ONECUT3: variants seen among roughly 807,000 people sequenced by gnomAD.
The protein encoded by ONECUT3 is one cut domain family member 3.
A neutral mutation model predicts 16.8 loss-of-function variants in ONECUT3; 11 were observed. That is an observed-to-expected ratio of 0.66 (90% CI 0.41 to 1.09). The LOEUF (loss-of-function observed/expected upper bound fraction) is 1.09, where lower values mean the gene tolerates loss of function less well. Among genes scored for constraint, ONECUT3 ranks in the 50% least tolerant of loss-of-function variants. The pLI is 0.00. For synonymous variants in ONECUT3, 344 were observed against 310.7 expected (o/e 1.11, Z -1.13); for missense variants, 637 against 629.9 (o/e 1.01, Z -0.12).
At chr19:1,770,123 T>G (rs1360751662) in intron 1 of ONECUT3, among the ~76,000 whole-genome samples, 1 of 152,168 alleles carries the variant, frequency 6.6e-6, no homozygotes, top group African/African-American at 2.4e-5. Flanking sequence ...CTGGGTACTG[T>G]GATTCATGCC....
Position 1,775,857 on chromosome 19 carries a change from A to C in ONECUT3, c.*412A>C. The stretch of plus-strand genomic sequence containing the variant: ...TTTAAAAATGGAATTTTAAAGAATA[A>C]CCCCTCCTCCGTCAGATCCCCTGCC... On this transcript the variant is annotated 3_prime_UTR_variant, in exon 2 of 2. Coordinates refer to ENST00000382349, the MANE Select transcript of ONECUT3 (RefSeq NM_001080488.2). The C allele has an allele frequency of 6.6e-6, 1 of 152,288 alleles. No homozygotes were observed. Among genetic ancestry groups the C allele is most frequent in the Non-Finnish European group, 1.5e-5 (1 of 68,690 alleles). The allele number at this position is 152,288 out of a possible 1,614,324, so 9.4% of individuals were successfully genotyped here. A position where few individuals can be genotyped will look rare whatever the true frequency, so the allele number is the denominator to read the frequency against.
chr19:1,756,432 C>G (rs538722545), intron 1 of ONECUT3, among the ~76,000 whole-genome samples: 1 of 152,236 alleles, frequency 6.6e-6, no homozygotes, highest in Non-Finnish European at 1.5e-5. Flanking sequence ...TACAGCGGCA[C>G]TCGTGCGCTC....
chr19:1,754,307 GCCCCCGCCGCCGCCACCA>G lies in ONECUT3; in HGVS notation c.656_673del (p.Pro219_Pro224del). The G allele has an allele frequency of 9.5e-7, 1 of 1,053,796 alleles. No individual in the cohort carries two copies. Among genetic ancestry groups the G allele is most frequent in the Non-Finnish European group, 1.1e-6 (1 of 879,634 alleles). 65.3% of individuals were successfully genotyped at this position (1,053,796 alleles called of 1,614,324 possible). A position where few individuals can be genotyped will look rare whatever the true frequency, so the allele number is the denominator to read the frequency against. On this transcript the variant is annotated inframe_deletion, in exon 1 of 2. Transcript: ENST00000382349. The surrounding 1 kb of genome is among the most constrained non-coding windows in gnomAD (Gnocchi z 7.4). Reference sequence around the variant, plus strand: ...CGCCCGCGCTGCACGGCGCCCCGCAGCCCCCGCCGCCGCCACCACCCCCGCCGCTGGCCGCCTACGGCC... The same window carrying G: ...CGCCCGCGCTGCACGGCGCCCCGCAGCCCCCGCCGCTGGCCGCCTACGGCC...
rs1331199840 is a variant in ONECUT3, at chr19:1,758,313, A to AGAG, written c.1192+3459_1192+3460insGAG. ...AGGCAGAGAGACCAAAAAAAAAAAAAAAAGAGAGAGAGAGAGAGAGAGACA... is the reference window on the plus strand; with the variant it reads ...AGGCAGAGAGACCAAAAAAAAAAAAAGAGAAAGAGAGAGAGAGAGAGAGAGACA... On this transcript the variant is annotated intron_variant, in intron 1 of 1. Coordinates refer to ENST00000382349, the MANE Select transcript of ONECUT3 (RefSeq NM_001080488.2). This position sits in a 1 kb window ranked among gnomAD's most constrained non-coding sequence, Gnocchi z 5.9. Among the ~76,000 whole-genome samples, 3 of 109,078 alleles carry AGAG rather than the reference A, an allele frequency of 2.8e-5. No homozygotes were observed. The highest frequency in any genetic ancestry group is 3.2e-4 in the South Asian group (1 of 3,140). The allele number at this position is 109,078 out of a possible 152,430, so 71.6% of individuals were successfully genotyped here. A position where few individuals can be genotyped will look rare whatever the true frequency, so the allele number is the denominator to read the frequency against.
intron 1 of ONECUT3, among the ~76,000 whole-genome samples, chr19:1,769,954 C>A (rs1199444947): frequency 6.6e-6 from 1 of 152,102 alleles, no homozygotes; most frequent in African/African-American, 2.4e-5. Context: ...GGGAAAGGGA[C>A]GATATGCATC....
rs1568595499 is a variant in ONECUT3, at chr19:1,764,394, GT to G, written c.1192+9541del. Among the ~76,000 whole-genome samples the G allele has an allele frequency of 6.6e-6, 1 of 152,200 alleles. No individual in the cohort carries two copies. Among genetic ancestry groups the G allele is most frequent in the Admixed American group, 6.5e-5 (1 of 15,284 alleles). ...GGCTCAGAACTAATTTGAAAATGCA[GT>G]CATTAAAATCCCATCAGGGGAGGCT... On this transcript the variant is annotated intron_variant, in intron 1 of 1. Coordinates refer to ENST00000382349, the MANE Select transcript of ONECUT3 (RefSeq NM_001080488.2). This position sits in a 1 kb window ranked among gnomAD's most constrained non-coding sequence, Gnocchi z 5.0.
rs1019629753 is a variant in ONECUT3 at position 1,779,827 on chromosome 19, G to C, written c.*4382G>C. 1.3e-5 allele frequency: 2 copies of C among 151,942 alleles called. No individual in the cohort carries two copies. The highest frequency in any genetic ancestry group is 4.8e-5 in the African/African-American group (2 of 41,314). 9.4% of individuals were successfully genotyped at this position (151,942 alleles called of 1,614,324 possible). On this transcript the variant is annotated 3_prime_UTR_variant, in exon 2 of 2. Coordinates refer to ENST00000382349, the MANE Select transcript of ONECUT3 (RefSeq NM_001080488.2). ...CAGGTGGACGGGGCCCCAGGTAGAG[G>C]GGGCGGGAACAGAGCCTCAGTAGCC...
At chr19:1,771,988 A>ATTATTTATTTAT (rs61311263) in intron 1 of ONECUT3, among the ~76,000 whole-genome samples, 367 of 141,392 alleles carry the variant, frequency 2.6e-3, no homozygotes, top group East Asian at 9.8e-3. Context: ...CTATTTAGTT[A>ATTATTTATTTAT]TTATTTATTT....
chr19:1,756,740 G>A (rs1303791545), intron 1 of ONECUT3, among the ~76,000 whole-genome samples: 1 of 117,826 alleles, frequency 8.5e-6, no homozygotes, highest in Non-Finnish European at 1.7e-5. Context: ...TAGAGATGGA[G>A]TTTCACCATG....
At position 1,768,760 on chromosome 19, in the gene ONECUT3, G is replaced by A. The variant is rs185251263; in HGVS notation, c.1193-6393G>A. On this transcript the variant is annotated intron_variant, in intron 1 of 1. Coordinates refer to ENST00000382349, the MANE Select transcript of ONECUT3 (RefSeq NM_001080488.2). ...AAATCAGGGGGAGGTGAAGAAAACA[G>A]AGGAAGGGGGTGAGTAAAAGAAAGG... Among the ~76,000 whole-genome samples, 41 of 152,282 alleles carry A rather than the reference G, an allele frequency of 2.7e-4. 1 individual carries two copies. Among genetic ancestry groups the A allele is most frequent in the African/African-American group, 9.9e-4 (41 of 41,554 alleles).
rs1568591252 is a variant in ONECUT3 at position 1,754,285 on chromosome 19, C to CAA, written c.623_624insAA (p.Ala209ThrfsTer127). On this transcript the variant is annotated frameshift_variant, in exon 1 of 2. Transcript: ENST00000382349. LOFTEE classifies it high-confidence loss of function. The surrounding 1 kb of genome is among the most constrained non-coding windows in gnomAD (Gnocchi z 7.4). ...TCGCCGCTGCCCAACGCGCTGCCGCCCGCGCTGCACGGCGCCCCGCAGCCC... is the reference window on the plus strand; with the variant it reads ...TCGCCGCTGCCCAACGCGCTGCCGCCAACGCGCTGCACGGCGCCCCGCAGCCC... 1.9e-5 allele frequency: 20 copies of CAA among 1,055,952 alleles called. No individual in the cohort carries two copies. Among genetic ancestry groups the CAA allele is most frequent in the Non-Finnish European group, 2.0e-5 (18 of 880,414 alleles). 65.4% of individuals were successfully genotyped at this position (1,055,952 alleles called of 1,614,324 possible).
intron 1 of ONECUT3, among the ~76,000 whole-genome samples, chr19:1,772,096 G>A (rs1187867360): frequency 6.6e-6 from 1 of 151,676 alleles, no homozygotes; most frequent in Admixed American, 6.6e-5. Flanking sequence ...TCACACCTCT[G>A]CTTACTGGGT....
rs1287756737 is a variant in ONECUT3 at position 1,766,824 on chromosome 19, C to G, written c.1193-8329C>G. 6.6e-6 allele frequency among the ~76,000 whole-genome samples: 1 copy of G among 152,092 alleles called. No homozygotes were observed. The highest frequency in any genetic ancestry group is 1.5e-5 in the Non-Finnish European group (1 of 68,014). ...TGGGCTGAGACCCCCCCCCCATGCT[C>G]CACCACCCTCGTGTAGGACAACCCA... On this transcript the variant is annotated intron_variant, in intron 1 of 1. Coordinates refer to ENST00000382349, the MANE Select transcript of ONECUT3 (RefSeq NM_001080488.2). This position sits in a 1 kb window ranked among gnomAD's most constrained non-coding sequence, Gnocchi z 4.0.
At chr19:1,763,051 CTA>C (rs1322999244) in intron 1 of ONECUT3, among the ~76,000 whole-genome samples, 4 of 151,874 alleles carry the variant, frequency 2.6e-5, no homozygotes, top group African/African-American at 9.7e-5. Context: ...GACCGCATCT[CTA>C]TAAAAATGTT....
chr19:1,769,224 AGGAGGAGGTGGAGGTGCTGGAGGTGGT>A (rs1399710304), intron 1 of ONECUT3, among the ~76,000 whole-genome samples: 2 of 143,510 alleles, frequency 1.4e-5, no homozygotes, highest in Non-Finnish European at 3.0e-5. Flanking sequence ...GAGGTGATGA[AGGAGGAGGTGGAGGTGCTGGAGGTGGT>A]GGAGGAGGAG....
chr19:1,774,103 A>G (rs137874223), intron 1 of ONECUT3, among the ~76,000 whole-genome samples: 12 of 151,988 alleles, frequency 7.9e-5, no homozygotes, highest in Admixed American at 2.0e-4. Flanking sequence ...CTTCTTTCTT[A>G]GATGTTCTGC....
At chr19:1,765,339 C>T (rs12151359) in intron 1 of ONECUT3, among the ~76,000 whole-genome samples, 18,965 of 152,198 alleles carry the variant, frequency 0.12, 1,303 homozygotes, top group East Asian at 0.2. Context: ...CCAGCTGTCC[C>T]GAAGCCTGGG....
rs994527095 is a variant in ONECUT3, at chr19:1,754,938, G to A, written c.1192+84G>A. The A allele has an allele frequency of 5.5e-6, 7 of 1,280,634 alleles. No homozygotes were observed. The allele number at this position is 1,280,634 out of a possible 1,614,324, so 79.3% of individuals were successfully genotyped here. ...CCTAGCGGGGCGGCGGCCGATGCCC[G>A]GGGCCAGCGCCCCAAGCCCCGCCCG... On this transcript the variant is annotated intron_variant, in intron 1 of 1. Transcript: ENST00000382349. This position sits in a 1 kb window ranked among gnomAD's most constrained non-coding sequence, Gnocchi z 7.4.
chr19:1,780,972 C>CAAA lies in ONECUT3; in HGVS notation c.*5527_*5528insAAA. On this transcript the variant is annotated 3_prime_UTR_variant, in exon 2 of 2. Transcript: ENST00000382349. ...CACCCTTGGGCGACAGGCTTAAAAGCTAAAAAAAAAAAAAAATCTCGTCAT... is the reference window on the plus strand; with the variant it reads ...CACCCTTGGGCGACAGGCTTAAAAGCAAATAAAAAAAAAAAAAAATCTCGTCAT... 1 of 26,314 alleles carries CAAA rather than the reference C, an allele frequency of 3.8e-5. No individual in the cohort carries two copies. Among genetic ancestry groups the CAAA allele is most frequent in the East Asian group, 1.0e-3 (1 of 970 alleles). The allele number at this position is 26,314 out of a possible 1,614,324, so 1.6% of individuals were successfully genotyped here. A position where few individuals can be genotyped will look rare whatever the true frequency, so the allele number is the denominator to read the frequency against.
Sources: gnomAD v4.1 joint callset for allele counts (sites outside exome capture counted in the v4.1 genomes callset) on GRCh38, gnomAD v4.1.1 for gene constraint, Gnocchi (gnomAD v3.1) non-coding constraint, MANE v1.5 for transcripts, NCBI Gene and HGNC (gene_info 2026-07-23, HGNC 2026-07-21) for gene names.